Variants in SETD2 observed in about 807,000 individuals in gnomAD.
The protein encoded by SETD2 is SET domain containing 2, histone lysine methyltransferase.
In SETD2, 31 loss-of-function variants were observed where a neutral mutation model predicts 242.1. That is an observed-to-expected ratio of 0.13 (90% CI 0.10 to 0.17). The LOEUF (loss-of-function observed/expected upper bound fraction) is 0.17, where lower values mean the gene tolerates loss of function less well. SETD2 is among the 10% of genes least tolerant of loss of function. The probability of loss-of-function intolerance (pLI) is 1.00; values close to 1 mark genes in which losing one functional copy is unlikely to be tolerated. For missense variants in SETD2, 2,481 were observed against 3,046.3 expected (o/e 0.81, Z 4.37); for synonymous variants, 1,006 against 1,066.5 (o/e 0.94, Z 1.11).
intron 9 of SETD2, among the ~76,000 whole-genome samples, chr3:47,090,880 C>T (rs1322467894): frequency 6.6e-6 from 1 of 152,074 alleles, no homozygotes; most frequent in East Asian, 1.9e-4. Context: ...TTTTCTTTTA[C>T]TTAACTAGCT....
At chr3:47,090,117 G>A (rs1302159284) in intron 9 of SETD2, among the ~76,000 whole-genome samples, 1 of 151,846 alleles carries the variant, frequency 6.6e-6, no homozygotes, top group Non-Finnish European at 1.5e-5. Context: ...GCATCGTGGC[G>A]GGAGCCTGTA....
intron 3 of SETD2, among the ~76,000 whole-genome samples, chr3:47,117,898 A>C (rs1022783844): frequency 2.6e-5 from 4 of 152,238 alleles, no homozygotes; most frequent in South Asian, 2.1e-4. Context: ...AAAACAAAAC[A>C]ACCAAAGATG....
chr3:47,147,384 G>A (rs1054077004), intron 1 of SETD2, among the ~76,000 whole-genome samples: 1 of 146,550 alleles, frequency 6.8e-6, no homozygotes, highest in Non-Finnish European at 1.5e-5. Context: ...GTGCAGTGAC[G>A]TGATCTTGGC....
At chr3:47,133,114 A>G (rs555343989) in intron 1 of SETD2, among the ~76,000 whole-genome samples, 2 of 152,324 alleles carry the variant, frequency 1.3e-5, no homozygotes, top group African/African-American at 2.4e-5. Flanking sequence ...ATGTATACAT[A>G]TATGTATATA....
chr3:47,037,508 A>C (rs1371082304), intron 18 of SETD2, among the ~76,000 whole-genome samples, 158 bp downstream of exon 18: 3 of 152,046 alleles, frequency 2.0e-5, no homozygotes, highest in Non-Finnish European at 4.4e-5. Context: ...ATATGTAAAA[A>C]GGCCATTCTT....
rs574494067 is a variant in SETD2, at chr3:47,055,840, G to T, written c.6963+981C>A. On this transcript the variant is annotated intron_variant, in intron 15 of 20. Transcript: ENST00000409792. Reference sequence around the variant, plus strand: ...ATCCTGGCTAACACGGCGAAACCCCGTCTCTACTAAAAATACAAAAAAATT... The same window carrying T: ...ATCCTGGCTAACACGGCGAAACCCCTTCTCTACTAAAAATACAAAAAAATT... Among the ~76,000 whole-genome samples the T allele has an allele frequency of 2.0e-5, 3 of 151,150 alleles. 1 individual carries two copies. The East Asian group carries it at 5.9e-4, about 29-fold the overall frequency.
rs542502131 is a variant in SETD2, at chr3:47,052,950, C to T, written c.6963+3871G>A. ...TGTCTCCCAGGCTAGAGTGCAATGG[C>T]GCAATCTTGGCTCACCACAACCTCC... On this transcript the variant is annotated intron_variant, in intron 15 of 20. Transcript: ENST00000409792. Among the ~76,000 whole-genome samples, 52 of 151,928 alleles carry T rather than the reference C, an allele frequency of 3.4e-4. 1 individual carries two copies. The highest frequency in any genetic ancestry group is 3.4e-3 in the Middle Eastern group (1 of 294).
chr3:47,154,454 G>T (rs2044078943), intron 1 of SETD2, among the ~76,000 whole-genome samples: 1 of 151,710 alleles, frequency 6.6e-6, no homozygotes, highest in African/African-American at 2.4e-5. Context: ...ATATGTAAAT[G>T]GAAACAAATA....
In SETD2 at chr3:47,122,503, G is replaced by T. The variant is rs749379736; in HGVS notation, c.2133C>A (p.Val711=). Residue 711 remains valine (V), a synonymous_variant, in exon 3 of 21, where the codon GTC becomes GTA. Transcript: ENST00000409792. ...SVTGSELSPL[V]KACMLSSNGF... ...CATTTGATGAAAGCATGCATGCTTT[G>T]ACCAAAGGGGATAATTCCGATCCAG... The T allele has an allele frequency of 1.2e-6, 2 of 1,613,722 alleles. No homozygotes were observed. Among genetic ancestry groups the T allele is most frequent in the Non-Finnish European group, 1.7e-6 (2 of 1,179,706 alleles).
intron 9 of SETD2, among the ~76,000 whole-genome samples, chr3:47,094,237 T>C (rs1309252954): frequency 6.6e-6 from 1 of 152,220 alleles, no homozygotes; most frequent in Non-Finnish European, 1.5e-5. Flanking sequence ...GGACATATTA[T>C]ACTTCCATCA....
chr3:47,027,129 A>T (rs2038516996), intron 18 of SETD2, among the ~76,000 whole-genome samples: 1 of 151,972 alleles, frequency 6.6e-6, no homozygotes, highest in South Asian at 2.1e-4. Flanking sequence ...AGGTCAGGAG[A>T]TCGAGATCAT....
chr3:47,047,095 A>C (rs1575683714), intron 15 of SETD2: 1 of 152,394 alleles, frequency 6.6e-6, no homozygotes, highest in African/African-American at 2.4e-5. Flanking sequence ...AATCATAGTA[A>C]ATAAGATGAT....
At chr3:47,049,107 C>G (rs1466251346) in intron 15 of SETD2, among the ~76,000 whole-genome samples, 1 of 151,672 alleles carries the variant, frequency 6.6e-6, no homozygotes, top group Non-Finnish European at 1.5e-5. Flanking sequence ...CCACGCCCAG[C>G]TAATTAAAAA....
chr3:47,031,797 A>G (rs2038783285), intron 18 of SETD2, among the ~76,000 whole-genome samples: 1 of 152,224 alleles, frequency 6.6e-6, no homozygotes, highest in Non-Finnish European at 1.5e-5. Flanking sequence ...TAGCTATCAA[A>G]ATTTTTCATA....
At position 47,121,967 on chromosome 3, in the gene SETD2, A is replaced by G; in HGVS notation, c.2669T>C (p.Ile890Thr). ...CAAGAGAGTTAGACTGTCCACCTTT[A>G]TTCCTGGTGGAAGACTCTGAAGAGA... Reference protein sequence around the residue: ...ASSLQSLPPGIKVDSLTLLKC... With the variant: ...ASSLQSLPPGTKVDSLTLLKC... Residue 890 changes from isoleucine (I) to threonine (T), a missense_variant, in exon 3 of 21, where the codon ATA (isoleucine) becomes ACA (threonine). Physicochemically the swap from Ile to Thr is moderately conservative, Grantham distance 89. This residue lies in a region of SETD2 where 1,300 missense variants were observed against 1,259.2 expected (regional missense o/e 1.03). Transcript: ENST00000409792. The G allele has an allele frequency of 6.2e-7, 1 of 1,614,016 alleles. No homozygotes were observed. The highest frequency in any genetic ancestry group is 8.5e-7 in the Non-Finnish European group (1 of 1,180,006).
At chr3:47,113,371 C>T (rs535963659) in intron 5 of SETD2, among the ~76,000 whole-genome samples, 9 of 152,108 alleles carry the variant, frequency 5.9e-5, no homozygotes, top group Non-Finnish European at 1.2e-4. Context: ...CCACAGTAAA[C>T]ACTTGGTAGT....
intron 12 of SETD2, among the ~76,000 whole-genome samples, chr3:47,079,643 C>T (rs2041242960): frequency 6.6e-6 from 1 of 152,138 alleles, no homozygotes; most frequent in African/African-American, 2.4e-5. Context: ...ATATTTTAGG[C>T]TTTGTGAGCC....
intron 15 of SETD2, among the ~76,000 whole-genome samples, chr3:47,053,633 A>G (rs1368139480): frequency 6.6e-6 from 1 of 152,220 alleles, no homozygotes; most frequent in Non-Finnish European, 1.5e-5. Flanking sequence ...ACGTAAATGT[A>G]TATTATATCA....
chr3:47,161,359 A>G (rs762284495), intron 1 of SETD2, among the ~76,000 whole-genome samples: 1 of 152,178 alleles, frequency 6.6e-6, no homozygotes, highest in African/African-American at 2.4e-5. Flanking sequence ...AGGTTAAAAT[A>G]GTGTTCAGAT....
Sources: allele counts gnomAD v4.1 joint callset (sites outside exome capture counted in the v4.1 genomes callset), GRCh38; gene constraint gnomAD v4.1.1; regional missense constraint gnomAD v4.1.1; transcripts MANE v1.5; gene names NCBI Gene and HGNC (gene_info 2026-07-23, HGNC 2026-07-21).